Variants in CDC42SE2 observed in about 807,000 individuals in gnomAD.
CDC42SE2 encodes the protein CDC42 small effector protein 2.
A neutral mutation model predicts 11.5 loss-of-function variants in CDC42SE2; 3 were observed. The ratio of observed to expected loss-of-function variants is 0.26; its 90% confidence interval spans 0.12 to 0.67. The LOEUF (loss-of-function observed/expected upper bound fraction) is 0.67. Ranked by LOEUF, CDC42SE2 falls within the 30% of genes least tolerant of loss-of-function variation. The pLI, the probability that CDC42SE2 is intolerant of heterozygous loss-of-function variation, is 0.80. For missense variants in CDC42SE2, 82 were observed against 106.8 expected (o/e 0.77, Z 1.02); for synonymous variants, 33 against 34.8 (o/e 0.95, Z 0.18).
At chr5:131,381,585 A>G (rs1750329200) in intron 3 of CDC42SE2, among the ~76,000 whole-genome samples, 1 of 152,172 alleles carries the variant, frequency 6.6e-6, no homozygotes, top group Admixed American at 6.5e-5. Context: ...GGCCTCCCAA[A>G]GTGCTGGGAT....
the CDC42SE2 span, among the ~76,000 whole-genome samples, chr5:131,225,660 A>G: frequency 6.6e-6 from 1 of 152,144 alleles, no homozygotes; most frequent in Non-Finnish European, 1.5e-5. Context: ...TGCCTGAGAA[A>G]GTCAGTCTCC....
Position 131,269,417 on chromosome 5 carries a change from T to C in CDC42SE2, c.-455+5251T>C, listed in dbSNP as rs185875814. On this transcript the variant is annotated intron_variant, in intron 1 of 4. Transcript: ENST00000505065. ...TTTTCTTGCTTACCCACTTAGAAACTCATGCTGTGATTTCATATTTAATCT... is the reference window on the plus strand; with the variant it reads ...TTTTCTTGCTTACCCACTTAGAAACCCATGCTGTGATTTCATATTTAATCT... 2.0e-3 allele frequency among the ~76,000 whole-genome samples: 299 copies of C among 152,300 alleles called. 1 individual carries two copies. The highest frequency in any genetic ancestry group is 6.9e-3 in the African/African-American group (288 of 41,574).
chr5:131,212,402 C>T, the CDC42SE2 span, among the ~76,000 whole-genome samples: 1 of 152,308 alleles, frequency 6.6e-6, no homozygotes, highest in Non-Finnish European at 1.5e-5. Flanking sequence ...GCTACTGTGC[C>T]CTCCATGGTG....
At chr5:131,260,715 CCT>C (rs1756718493), upstream of CDC42SE2, among the ~76,000 whole-genome samples, 1 of 152,010 alleles carries the variant, frequency 6.6e-6, no homozygotes, top group Admixed American at 6.6e-5. Context: ...AGGCGGATCC[CCT>C]GAGGTCAGGA....
rs1449408496 is a variant in CDC42SE2 at position 131,392,217 on chromosome 5, A to G, written c.*1126A>G. On this transcript the variant is annotated 3_prime_UTR_variant, in exon 5 of 5. Transcript: ENST00000505065. ...TGCCTTACGATTTTATTGGAAAGCAAGGACCTGCTATTATTTGTTAATTTG... is the reference window on the plus strand; with the variant it reads ...TGCCTTACGATTTTATTGGAAAGCAGGGACCTGCTATTATTTGTTAATTTG... The G allele has an allele frequency of 1.3e-5, 2 of 152,748 alleles. No individual in the cohort carries two copies. The highest frequency in any genetic ancestry group is 3.7e-4 in the East Asian group (2 of 5,338). The allele number at this position is 152,748 out of a possible 1,614,324, so 9.5% of individuals were successfully genotyped here.
chr5:131,241,269 G>GT (rs1028800523), upstream of CDC42SE2, among the ~76,000 whole-genome samples: 2 of 151,990 alleles, frequency 1.3e-5, no homozygotes, highest in Admixed American at 6.6e-5. Context: ...GCGGTTTTAT[G>GT]TTTTTTTCAT....
At position 131,335,474 on chromosome 5, in the gene CDC42SE2, C is replaced by G. The variant is rs193134133; in HGVS notation, c.-286+19330C>G. On this transcript the variant is annotated intron_variant, in intron 2 of 4. Transcript: ENST00000505065. ...TTGGGGTGGAGAGTTCTGTAGATGT[C>G]TATTAGGTCGGCTTGGTGCAGAGCT... 2.0e-3 allele frequency among the ~76,000 whole-genome samples: 299 copies of G among 152,260 alleles called. 1 individual carries two copies. The highest frequency in any genetic ancestry group is 6.9e-3 in the African/African-American group (288 of 41,544).
At chr5:131,236,038 T>C in the CDC42SE2 span, among the ~76,000 whole-genome samples, 6 of 152,400 alleles carry the variant, frequency 3.9e-5, no homozygotes, top group South Asian at 1.2e-3. Context: ...TGTTATTTCC[T>C]TCTTTGTGAA....
upstream of CDC42SE2, among the ~76,000 whole-genome samples, chr5:131,244,602 T>G (rs1413683822): frequency 2.6e-5 from 4 of 152,060 alleles, no homozygotes; most frequent in Non-Finnish European, 5.9e-5. Flanking sequence ...TCCCAGCTAC[T>G]CGGGAGGTTG....
At chr5:131,381,120 A>G (rs536031725) in intron 3 of CDC42SE2, among the ~76,000 whole-genome samples, 1 of 152,188 alleles carries the variant, frequency 6.6e-6, no homozygotes, top group Admixed American at 6.5e-5. Flanking sequence ...GCCCAACCAC[A>G]GAAATTTAGT....
intron 3 of CDC42SE2, among the ~76,000 whole-genome samples, chr5:131,383,949 T>C (rs1750397945): frequency 6.6e-6 from 1 of 152,172 alleles, no homozygotes; most frequent in South Asian, 2.1e-4. Flanking sequence ...CTTGGAAGAT[T>C]ATAGACACAC....
In CDC42SE2 at chr5:131,329,804, G is replaced by A. The variant is rs374487246; in HGVS notation, c.-286+13660G>A. ...TGAGGCAGGAGAATTGCTTGAACTC[G>A]GGAGGCAGAGGTTGTAGTGAGCTGA... is the stretch of plus-strand genomic sequence containing the variant. On this transcript the variant is annotated intron_variant, in intron 2 of 4. Transcript: ENST00000505065. Among the ~76,000 whole-genome samples, 14 of 146,774 alleles carry A rather than the reference G, an allele frequency of 9.5e-5. No individual in the cohort carries two copies. The East Asian group carries it at 1.0e-3, about 11-fold the overall frequency.
upstream of CDC42SE2, among the ~76,000 whole-genome samples, chr5:131,242,483 T>TTCTTAAAA: frequency 1.3e-5 from 2 of 152,310 alleles, no homozygotes; most frequent in Admixed American, 1.3e-4. Context: ...TATCCATTTC[T>TTCTTAAAA]TCTTAAAATT....
chr5:131,370,141 TC>T (rs1227033797), intron 3 of CDC42SE2, among the ~76,000 whole-genome samples: 1 of 152,210 alleles, frequency 6.6e-6, no homozygotes, highest in Non-Finnish European at 1.5e-5. Flanking sequence ...GTGAGCACAT[TC>T]CATGTTGTAG....
intron 2 of CDC42SE2, among the ~76,000 whole-genome samples, chr5:131,336,113 T>C (rs1394704442): frequency 1.3e-5 from 2 of 152,168 alleles, no homozygotes; most frequent in Non-Finnish European, 1.5e-5. Context: ...GTACCAGTTG[T>C]TCCTTTCCAT....
At chr5:131,215,364 A>C in the CDC42SE2 span, among the ~76,000 whole-genome samples, 2 of 152,226 alleles carry the variant, frequency 1.3e-5, no homozygotes, top group Non-Finnish European at 2.9e-5. Context: ...AGAGAGAGAG[A>C]AAAGAATGGA....
the CDC42SE2 span, among the ~76,000 whole-genome samples, chr5:131,230,349 C>A: frequency 6.6e-6 from 1 of 152,160 alleles, no homozygotes; most frequent in African/African-American, 2.4e-5. Flanking sequence ...ATACCTATTT[C>A]AATTATTAAC....
At chr5:131,385,465 C>A in intron 3 of CDC42SE2, 78 bp from the exon 4 acceptor site, 1 of 959,472 alleles carries the variant, frequency 1.0e-6, no homozygotes, top group Non-Finnish European at 1.6e-6. Flanking sequence ...ATTTATTAAA[C>A]AGTCATAGTA....
At chr5:131,278,196 C>A (rs992779833) in intron 1 of CDC42SE2, among the ~76,000 whole-genome samples, 4 of 152,038 alleles carry the variant, frequency 2.6e-5, no homozygotes, top group Non-Finnish European at 5.9e-5. Flanking sequence ...GTTGGCTAGG[C>A]TAGTTGAGAA....
Sources: gnomAD v4.1 joint callset for allele counts (sites outside exome capture counted in the v4.1 genomes callset) on GRCh38, gnomAD v4.1.1 for gene constraint, MANE v1.5 for transcripts, NCBI Gene and HGNC (gene_info 2026-07-23, HGNC 2026-07-21) for gene names.